The following DCAF7 variants were observed in gnomAD, a reference collection of about 807,000 sequenced individuals.
DCAF7 encodes DDB1 and CUL4 associated factor 7, also known as DDB1- and CUL4-associated factor 7.
Under a neutral mutation model 41.2 loss-of-function variants are expected in DCAF7, and 4 were observed. That is an observed-to-expected ratio of 0.10 (90% CI 0.05 to 0.22). The LOEUF is 0.22. Among genes scored for constraint, DCAF7 ranks in the 10% least tolerant of loss-of-function variants. DCAF7 has a pLI of 1.00. For synonymous variants in DCAF7, 143 were observed against 164.2 expected, an observed-to-expected ratio of 0.87 and a Z score of 0.99; for missense variants, 131 against 443.2, an observed-to-expected ratio of 0.30 and a Z score of 6.32.
chr17:63,579,502 C>A, intron 3 of DCAF7, 54 bp downstream of exon 3: 1 of 1,348,728 alleles, frequency 7.4e-7, no homozygotes. Context: ...AATAAATTTT[C>A]TCAGATGTCA....
chr17:63,564,826 A>C (rs913628137), intron 1 of DCAF7, among the ~76,000 whole-genome samples: 5 of 152,254 alleles, frequency 3.3e-5, no homozygotes, highest in African/African-American at 1.2e-4. Flanking sequence ...TGGGGACAGA[A>C]GAGCAGAACT....
At chr17:63,567,631 A>G (rs2033458486) in intron 1 of DCAF7, among the ~76,000 whole-genome samples, 1 of 152,232 alleles carries the variant, frequency 6.6e-6, no homozygotes. Flanking sequence ...ATTGTTTTGT[A>G]ACAGTACATG....
chr17:63,554,962 A>G (rs78933056), intron 1 of DCAF7, among the ~76,000 whole-genome samples: 5,413 of 152,248 alleles, frequency 0.036, 305 homozygotes, highest in African/African-American at 0.12. Context: ...AACCCAACTC[A>G]TTTTGTAGTC....
intron 6 of DCAF7, among the ~76,000 whole-genome samples, chr17:63,585,567 G>A (rs116343844): frequency 0.017 from 2,514 of 152,300 alleles, 76 homozygotes; most frequent in African/African-American, 0.057. Context: ...GTCAGTTATA[G>A]GGCTGTGCCT....
chr17:63,551,177 G>A (rs73332056), intron 1 of DCAF7, among the ~76,000 whole-genome samples: 1,961 of 152,146 alleles, frequency 0.013, 38 homozygotes, highest in African/African-American at 0.044. Context: ...GTTGGTGGGC[G>A]GGGAAGGGAA....
chr17:63,566,136 C>T (rs946217112), intron 1 of DCAF7, among the ~76,000 whole-genome samples: 3 of 150,604 alleles, frequency 2.0e-5, no homozygotes, highest in African/African-American at 7.3e-5. Flanking sequence ...TTTGGGAGGC[C>T]GAGGTGGGCG....
Position 63,583,689 on chromosome 17 carries a change from C to T in DCAF7, c.716C>T (p.Thr239Ile), listed in dbSNP as rs1240338015. 1 of 1,613,792 alleles carries T rather than the reference C, an allele frequency of 6.2e-7. No individual in the cohort carries two copies. Among genetic ancestry groups the T allele is most frequent in the Non-Finnish European group, 8.5e-7 (1 of 1,179,850 alleles). ...AAGCAGGACCCTAACTACCTGGCCA[C>T]CATGGCCATGGATGGAATGGAGGTG... is the stretch of plus-strand genomic sequence containing the variant. ...WNKQDPNYLA[T>I]MAMDGMEVVI... The change falls in exon 5 of 7, where the codon ACC (threonine) becomes ATC (isoleucine). Residue 239 changes from threonine (T) to isoleucine (I), a missense_variant. Physicochemically the swap from Thr to Ile is moderately conservative, Grantham distance 89. Coordinates refer to ENST00000614556, the MANE Select transcript of DCAF7 (RefSeq NM_005828.5).
intron 1 of DCAF7, 79 bp from the exon 2 acceptor site, chr17:63,578,391 T>C (rs2033585316): frequency 2.5e-6 from 4 of 1,579,828 alleles, no homozygotes; most frequent in Non-Finnish European, 2.6e-6. Context: ...AAAAAAAACC[T>C]CTGTCACTGA....
intron 1 of DCAF7, among the ~76,000 whole-genome samples, chr17:63,574,798 C>A (rs977978864): frequency 1.3e-5 from 2 of 151,974 alleles, no homozygotes; most frequent in Non-Finnish European, 2.9e-5. Flanking sequence ...CATGGCAAAA[C>A]CCTGTCTCTA....
Position 63,585,345 on chromosome 17 carries a change from G to A in DCAF7, c.856+17G>A. On this transcript the variant is annotated intron_variant, in intron 6 of 6. Transcript: ENST00000614556. ...GCACTGCAGGTAATCATGGTGGGGA[G>A]AAAGAAATCTGGGAAGGATGGAGGA... is the stretch of plus-strand genomic sequence containing the variant. 6.2e-7 allele frequency: 1 copy of A among 1,601,664 alleles called. No individual in the cohort carries two copies. Among genetic ancestry groups the A allele is most frequent in the Non-Finnish European group, 8.6e-7 (1 of 1,168,794 alleles).
In DCAF7 at chr17:63,560,175, A is replaced by G. The variant is rs114171252; in HGVS notation, c.138+9360A>G. Among the ~76,000 whole-genome samples, 1,133 of 152,246 alleles carry G rather than the reference A, an allele frequency of 7.4e-3. 15 individuals carry two copies. Among genetic ancestry groups the G allele is most frequent in the African/African-American group, 0.025 (1,053 of 41,554 alleles). On this transcript the variant is annotated intron_variant, in intron 1 of 6. Coordinates refer to ENST00000614556, the MANE Select transcript of DCAF7 (RefSeq NM_005828.5). ...AAAAAAATGGAGTTTCAGCTAGATT[A>G]GGAAAAATAAAAAACCGTGGTAATC...
At chr17:63,579,191 A>G (rs1418336712) in intron 2 of DCAF7, 146 bp from the exon 3 acceptor site, 3 of 593,734 alleles carry the variant, frequency 5.1e-6, no homozygotes, top group Admixed American at 3.0e-5. Context: ...GCATTCAGGG[A>G]GTCCTGGGTT....
At position 63,591,108 on chromosome 17, in the gene DCAF7, A is replaced by C. The variant is rs1319475772; in HGVS notation, c.*1936A>C. ...TGGTCAGAACCCTCCTCTGCTTTTC[A>C]TTGTGTTTGATAATGGTTACTGGGT... On this transcript the variant is annotated 3_prime_UTR_variant, in exon 7 of 7. Coordinates refer to ENST00000614556, the MANE Select transcript of DCAF7 (RefSeq NM_005828.5). 2 of 152,122 alleles carry C rather than the reference A, an allele frequency of 1.3e-5. No homozygotes were observed. The highest frequency in any genetic ancestry group is 1.5e-5 in the Non-Finnish European group (1 of 68,030). 9.4% of individuals were successfully genotyped at this position (152,122 alleles called of 1,614,324 possible). A position where few individuals can be genotyped will look rare whatever the true frequency, so the allele number is the denominator to read the frequency against.
chr17:63,570,220 A>G (rs961223207), intron 1 of DCAF7, among the ~76,000 whole-genome samples: 1 of 151,926 alleles, frequency 6.6e-6, no homozygotes. Flanking sequence ...TTGGGAGGCC[A>G]ATGCAGGCAG....
In DCAF7 at chr17:63,590,453, GT is replaced by G; in HGVS notation, c.*1283del. ...AATTATAGACCCCCAGGGTCAGCCA[GT>G]TAAGAGCTCTACCCACACCTGTCAA... On this transcript the variant is annotated 3_prime_UTR_variant, in exon 7 of 7. Coordinates refer to ENST00000614556, the MANE Select transcript of DCAF7 (RefSeq NM_005828.5). 1 of 152,912 alleles carries G rather than the reference GT, an allele frequency of 6.5e-6. No individual in the cohort carries two copies. The highest frequency in any genetic ancestry group is 2.1e-4 in the South Asian group (1 of 4,828). 9.5% of individuals were successfully genotyped at this position (152,912 alleles called of 1,614,324 possible). A position where few individuals can be genotyped will look rare whatever the true frequency, so the allele number is the denominator to read the frequency against.
At chr17:63,582,543 A>T (rs1161842735) in intron 4 of DCAF7, among the ~76,000 whole-genome samples, 2 of 150,132 alleles carry the variant, frequency 1.3e-5, no homozygotes, top group Non-Finnish European at 1.5e-5. Flanking sequence ...ATCTCAGCTC[A>T]CTGTAATCTC....
chr17:63,587,071 T>C (rs897762218), intron 6 of DCAF7, among the ~76,000 whole-genome samples: 6 of 152,220 alleles, frequency 3.9e-5, no homozygotes, highest in Non-Finnish European at 2.9e-5. Context: ...GATGTTTTGC[T>C]CCTTAACTTT....
chr17:63,557,898 G>GTGTTT (rs1310205183), intron 1 of DCAF7, among the ~76,000 whole-genome samples: 5 of 152,068 alleles, frequency 3.3e-5, no homozygotes, highest in Non-Finnish European at 7.4e-5. Context: ...TATTTTTCGT[G>GTGTTT]TGTTTTGTTT....
intron 6 of DCAF7, among the ~76,000 whole-genome samples, chr17:63,586,125 CAAAA>C (rs545840925): frequency 3.4e-5 from 2 of 58,436 alleles, no homozygotes; most frequent in Non-Finnish European, 6.8e-5. Flanking sequence ...ACTCTGTCTC[CAAAA>C]AAAAAAAAAA....
Sources: allele counts gnomAD v4.1 joint callset (sites outside exome capture counted in the v4.1 genomes callset), GRCh38; gene constraint gnomAD v4.1.1; transcripts MANE v1.5; gene names NCBI Gene and HGNC (gene_info 2026-07-23, HGNC 2026-07-21).